RBMS3: variants seen among roughly 807,000 people sequenced by gnomAD.
RBMS3 encodes the protein RNA binding motif single stranded interacting protein 3.
A neutral mutation model predicts 66.8 loss-of-function variants in RBMS3; 27 were observed. That is an observed-to-expected ratio of 0.40 (90% CI 0.30 to 0.56). The LOEUF (loss-of-function observed/expected upper bound fraction) is 0.56. Among genes scored for constraint, RBMS3 ranks in the 20% least tolerant of loss-of-function variants. RBMS3 has a pLI of 0.40. For synonymous variants in RBMS3, 188 were observed against 183.0 expected, an observed-to-expected ratio of 1.03 and a Z score of -0.22; for missense variants, 513 against 549.5, an observed-to-expected ratio of 0.93 and a Z score of 0.66.
intron 4 of RBMS3, among the ~76,000 whole-genome samples, chr3:29,691,947 C>CTCTCTCTTTTTTTTTTTTTTT (rs1218393454): frequency 1.1e-4 from 6 of 53,526 alleles, no homozygotes; most frequent in South Asian, 1.2e-3. Context: ...CTCTCTCTCT[C>CTCTCTCTTTTTTTTTTTTTTT]TATTTTTTTT....
At chr3:29,754,059 G>C (rs761418226) in intron 5 of RBMS3, among the ~76,000 whole-genome samples, 1 of 151,966 alleles carries the variant, frequency 6.6e-6, no homozygotes, top group Non-Finnish European at 1.5e-5. Context: ...CCAGGTTCAA[G>C]GGATCCTCTT....
intron 4 of RBMS3, among the ~76,000 whole-genome samples, chr3:29,734,620 T>G (rs905509370): frequency 3.9e-5 from 6 of 152,108 alleles, no homozygotes; most frequent in African/African-American, 9.6e-5. Context: ...CATAGGGTGT[T>G]CCATTATGAA....
Position 29,492,358 on chromosome 3 carries a change from T to G in RBMS3, c.307+3859T>G, listed in dbSNP as rs148396570. On this transcript the variant is annotated intron_variant, in intron 3 of 14. Transcript: ENST00000383767. ...TTAGAAAGACAGCAATTATAGAAAATTGTGTATAATTGTTCATGATGACCA... is the reference window on the plus strand; with the variant it reads ...TTAGAAAGACAGCAATTATAGAAAAGTGTGTATAATTGTTCATGATGACCA... Among the ~76,000 whole-genome samples, 359 of 152,036 alleles carry G rather than the reference T, an allele frequency of 2.4e-3. 2 individuals are homozygous for G. The highest frequency in any genetic ancestry group is 7.7e-3 in the African/African-American group (318 of 41,474).
chr3:29,480,625 G>T (rs1283361933), intron 2 of RBMS3, among the ~76,000 whole-genome samples: 1 of 152,152 alleles, frequency 6.6e-6, no homozygotes, highest in African/African-American at 2.4e-5. Flanking sequence ...TCAAAGTATT[G>T]TTCCAACAGA....
chr3:29,821,008 G>A (rs2058064226), intron 6 of RBMS3, among the ~76,000 whole-genome samples: 4 of 152,148 alleles, frequency 2.6e-5, no homozygotes, highest in Admixed American at 2.6e-4. Context: ...GATACTGATT[G>A]CCTAGAATGG....
chr3:29,392,238 A>T (rs532670330), intron 1 of RBMS3, among the ~76,000 whole-genome samples: 1 of 152,326 alleles, frequency 6.6e-6, no homozygotes, highest in Non-Finnish European at 1.5e-5. Flanking sequence ...CAACAGAGGG[A>T]GTCCCTGTCT....
intron 2 of RBMS3, among the ~76,000 whole-genome samples, chr3:29,483,687 A>G (rs750763990): frequency 6.6e-6 from 1 of 152,234 alleles, no homozygotes. Context: ...TTTGCTAAGT[A>G]GTAATACACT....
chr3:29,848,614 A>G (rs2058850017), intron 6 of RBMS3, among the ~76,000 whole-genome samples: 1 of 152,240 alleles, frequency 6.6e-6, no homozygotes, highest in African/African-American at 2.4e-5. Context: ...ATCAGACAAT[A>G]TGGACAAACC....
intron 8 of RBMS3, among the ~76,000 whole-genome samples, chr3:29,894,085 T>C (rs2149597095): frequency 6.6e-6 from 1 of 151,704 alleles, no homozygotes; most frequent in Middle Eastern, 3.4e-3. Context: ...AGTGGCTTGA[T>C]TGATTTGGTG....
chr3:29,963,790 G>A (rs528258552), intron 12 of RBMS3, among the ~76,000 whole-genome samples: 11 of 143,896 alleles, frequency 7.6e-5, no homozygotes, highest in East Asian at 6.2e-4. Flanking sequence ...TCCCACCACC[G>A]TACTCCAGGC....
At chr3:29,347,317 A>G (rs1051462915) in intron 1 of RBMS3, among the ~76,000 whole-genome samples, 1 of 152,196 alleles carries the variant, frequency 6.6e-6, no homozygotes, top group African/African-American at 2.4e-5. Flanking sequence ...AAATATGTGT[A>G]GGTAAGTGTG....
intron 4 of RBMS3, among the ~76,000 whole-genome samples, chr3:29,654,883 G>A (rs1407110736): frequency 6.6e-6 from 1 of 151,724 alleles, no homozygotes; most frequent in African/African-American, 2.4e-5. Context: ...CAGGCATGAG[G>A]CACTGCACCT....
intron 6 of RBMS3, among the ~76,000 whole-genome samples, chr3:29,810,920 A>G (rs1297425235): frequency 6.6e-6 from 1 of 152,188 alleles, no homozygotes; most frequent in Admixed American, 6.5e-5. Context: ...AGAGAAGCCT[A>G]TTACTTACTT....
intron 3 of RBMS3, among the ~76,000 whole-genome samples, chr3:29,490,102 T>C (rs1357520435): frequency 7.0e-6 from 1 of 142,818 alleles, no homozygotes; most frequent in Admixed American, 6.9e-5. Context: ...GGGGTTAAAA[T>C]TGTGTAGGTT....
intron 5 of RBMS3, among the ~76,000 whole-genome samples, chr3:29,741,648 C>A (rs1332980776): frequency 6.6e-6 from 1 of 152,250 alleles, no homozygotes; most frequent in Admixed American, 6.5e-5. Context: ...TTTCTTTAAA[C>A]AAAGGATGTG....
intron 4 of RBMS3, among the ~76,000 whole-genome samples, chr3:29,648,733 G>T (rs756356770): frequency 5.9e-5 from 9 of 151,614 alleles, no homozygotes; most frequent in Non-Finnish European, 1.0e-4. Context: ...TCCTAAACAT[G>T]TCCAAATATT....
chr3:29,559,564 C>G (rs1468018006), intron 3 of RBMS3, among the ~76,000 whole-genome samples: 1 of 115,464 alleles, frequency 8.7e-6, no homozygotes, highest in South Asian at 3.0e-4. Context: ...CCTGACTATT[C>G]ATGTTAGTAC....
chr3:29,338,861 A>G (rs2036116662), intron 1 of RBMS3, among the ~76,000 whole-genome samples: 4 of 152,164 alleles, frequency 2.6e-5, no homozygotes, highest in African/African-American at 7.2e-5. Context: ...GATACGGTTT[A>G]GAACAAATTT....
Position 30,003,979 on chromosome 3 carries a change from G to T in RBMS3, c.*117G>T. 1.1e-6 allele frequency: 1 copy of T among 932,674 alleles called. No homozygotes were observed. Among genetic ancestry groups the T allele is most frequent in the Non-Finnish European group, 1.5e-6 (1 of 675,576 alleles). 57.8% of individuals were successfully genotyped at this position (932,674 alleles called of 1,614,324 possible). A position where few individuals can be genotyped will look rare whatever the true frequency, so the allele number is the denominator to read the frequency against. On this transcript the variant is annotated 3_prime_UTR_variant, in exon 15 of 15. Coordinates refer to ENST00000383767, the MANE Select transcript of RBMS3 (RefSeq NM_001003793.3). ...TGGAATGCATTTTTTTGTTGTTGTT[G>T]TTGTTTTTTTTTTAGTGTTATACCT...
Sources: gnomAD v4.1 joint callset for allele counts (sites outside exome capture counted in the v4.1 genomes callset) on GRCh38, gnomAD v4.1.1 for gene constraint, MANE v1.5 for transcripts, NCBI Gene and HGNC (gene_info 2026-07-23, HGNC 2026-07-21) for gene names.